Variants in RUNX1 observed in about 807,000 individuals in gnomAD.
The protein encoded by RUNX1 is RUNX family transcription factor 1.
RUNX1 carries 19 observed loss-of-function variants against 42.8 expected under a neutral mutation model. The observed-to-expected ratio is 0.44, with a 90% CI of 0.31 to 0.65. RUNX1 has a LOEUF of 0.65. Among genes scored for constraint, RUNX1 ranks in the 30% least tolerant of loss-of-function variants. The pLI, the probability that RUNX1 is intolerant of heterozygous loss-of-function variation, is 0.07. For synonymous variants in RUNX1, 271 were observed against 289.4 expected, an observed-to-expected ratio of 0.94 and a Z score of 0.64; for missense variants, 528 against 672.0, an observed-to-expected ratio of 0.79 and a Z score of 2.37.
At chr21:34,889,644 G>C (rs552122364) in intron 3 of RUNX1, 24 of 1,105,212 alleles carry the variant, frequency 2.2e-5, no homozygotes, top group Non-Finnish European at 2.4e-5. Flanking sequence ...CCCCGCCCCC[G>C]TGCGCTCGAG....
intron 6 of RUNX1, among the ~76,000 whole-genome samples, chr21:34,842,051 C>T (rs1215126316): frequency 6.6e-6 from 1 of 152,182 alleles, no homozygotes; most frequent in African/African-American, 2.4e-5. Flanking sequence ...TTGGTGCTGT[C>T]CAATCACCCT....
intron 2 of RUNX1, among the ~76,000 whole-genome samples, chr21:34,898,542 C>T (rs773594699): frequency 6.6e-6 from 1 of 152,154 alleles, no homozygotes; most frequent in Non-Finnish European, 1.5e-5. Context: ...ATCTGCTTGA[C>T]TCCTTTGTCA....
chr21:34,811,718 C>T lies in RUNX1; in HGVS notation c.806-12256G>A, dbSNP rs78282661. Among the ~76,000 whole-genome samples, 529 of 152,196 alleles carry T rather than the reference C, an allele frequency of 3.5e-3. 2 individuals carry two copies. Among genetic ancestry groups the T allele is most frequent in the African/African-American group, 0.012 (485 of 41,542 alleles). ...ATGATAGATCCAGGAAGTATATTTT[C>T]TTCACACTAGGAGGGGCCTTGCCCC... is the stretch of plus-strand genomic sequence containing the variant. On this transcript the variant is annotated intron_variant, in intron 7 of 8. Coordinates refer to ENST00000675419, the MANE Select transcript of RUNX1 (RefSeq NM_001754.5).
chr21:34,867,912 CAAGTGACCA>C (rs1569069030), intron 5 of RUNX1, among the ~76,000 whole-genome samples: 1 of 152,162 alleles, frequency 6.6e-6, no homozygotes. Flanking sequence ...TCACACAGGG[CAAGTGACCA>C]AAGTGACCTC....
At chr21:34,809,776 C>CA (rs1378254745) in intron 7 of RUNX1, among the ~76,000 whole-genome samples, 4 of 152,138 alleles carry the variant, frequency 2.6e-5, no homozygotes, top group Non-Finnish European at 4.4e-5. Context: ...TGTTAAGTAA[C>CA]ATGGCTGAGA....
intron 2 of RUNX1, among the ~76,000 whole-genome samples, chr21:35,045,479 C>T (rs548875400): frequency 6.6e-6 from 1 of 152,248 alleles, no homozygotes; most frequent in African/African-American, 2.4e-5. Context: ...ATTAGGCTAG[C>T]CCCAATACAA....
chr21:35,009,955 T>C (rs1221800744), intron 2 of RUNX1, among the ~76,000 whole-genome samples: 31 of 152,214 alleles, frequency 2.0e-4, no homozygotes, highest in Admixed American at 2.0e-3. Context: ...CAGTTGATGC[T>C]GAAGCTGTGT....
chr21:34,795,845 C>A (rs2056519519), intron 8 of RUNX1, among the ~76,000 whole-genome samples: 1 of 152,188 alleles, frequency 6.6e-6, no homozygotes, highest in Non-Finnish European at 1.5e-5. Flanking sequence ...TACGGAGAAG[C>A]TGGGACAGGA....
intron 2 of RUNX1, among the ~76,000 whole-genome samples, chr21:34,933,392 C>T (rs2058462224): frequency 6.6e-6 from 1 of 152,160 alleles, no homozygotes; most frequent in African/African-American, 2.4e-5. Flanking sequence ...GATGTGTTTA[C>T]ACTTATTTTC....
At chr21:34,825,453 C>A (rs2056973232) in intron 7 of RUNX1, among the ~76,000 whole-genome samples, 1 of 152,124 alleles carries the variant, frequency 6.6e-6, no homozygotes, top group African/African-American at 2.4e-5. Flanking sequence ...AAAAATCATA[C>A]ATTTTTCTGG....
chr21:35,031,680 A>G (rs1274457364), intron 2 of RUNX1, among the ~76,000 whole-genome samples: 1 of 152,198 alleles, frequency 6.6e-6, no homozygotes, highest in African/African-American at 2.4e-5. Context: ...ATGGAGTACT[A>G]TTAAGCCTTA....
At chr21:34,875,232 G>A (rs2057797399) in intron 5 of RUNX1, among the ~76,000 whole-genome samples, 1 of 152,236 alleles carries the variant, frequency 6.6e-6, no homozygotes, top group Non-Finnish European at 1.5e-5. Context: ...AAGCAGGGCA[G>A]GGAGCAACTT....
chr21:34,929,215 C>T (rs2058421524), intron 2 of RUNX1, among the ~76,000 whole-genome samples: 4 of 152,152 alleles, frequency 2.6e-5, no homozygotes, highest in African/African-American at 4.8e-5. Flanking sequence ...AACAGGCTGT[C>T]TGACTTAATC....
At chr21:35,003,530 T>TAAA (rs571748934) in intron 2 of RUNX1, among the ~76,000 whole-genome samples, 5 of 112,048 alleles carry the variant, frequency 4.5e-5, no homozygotes, top group Non-Finnish European at 9.6e-5. Context: ...TTTTTTTTTT[T>TAAA]AAAAAAAAAG....
intron 8 of RUNX1, among the ~76,000 whole-genome samples, chr21:34,795,687 C>T (rs1815118260): frequency 6.6e-6 from 1 of 152,236 alleles, no homozygotes; most frequent in East Asian, 1.9e-4. Context: ...GGCCACACCT[C>T]ATTCCACAGG....
At chr21:34,871,913 G>A (rs1047775729) in intron 5 of RUNX1, among the ~76,000 whole-genome samples, 5 of 151,062 alleles carry the variant, frequency 3.3e-5, no homozygotes, top group African/African-American at 4.9e-5. Context: ...GCATAATCTC[G>A]GCTCACTGCA....
At chr21:34,976,367 T>A (rs2058802282) in intron 2 of RUNX1, among the ~76,000 whole-genome samples, 1 of 152,188 alleles carries the variant, frequency 6.6e-6, no homozygotes, top group Non-Finnish European at 1.5e-5. Flanking sequence ...AAAATAAAAT[T>A]AAATTTAAAT....
intron 2 of RUNX1, among the ~76,000 whole-genome samples, chr21:35,032,323 T>G (rs2059278664): frequency 6.6e-6 from 1 of 152,250 alleles, no homozygotes; most frequent in Non-Finnish European, 1.5e-5. Context: ...CTGAATGGAA[T>G]CTACTCTAAG....
At chr21:34,828,432 C>T (rs2057019118) in intron 7 of RUNX1, among the ~76,000 whole-genome samples, 1 of 152,182 alleles carries the variant, frequency 6.6e-6, no homozygotes, top group Admixed American at 6.5e-5. Flanking sequence ...TTGCATCTCA[C>T]CCATATCTGG....
Sources: gnomAD v4.1 joint callset for allele counts (sites outside exome capture counted in the v4.1 genomes callset) on GRCh38, gnomAD v4.1.1 for gene constraint, MANE v1.5 for transcripts, NCBI Gene and HGNC (gene_info 2026-07-23, HGNC 2026-07-21) for gene names.